DPYSL4: variants seen among roughly 807,000 people sequenced by gnomAD.
DPYSL4 encodes dihydropyrimidinase-related protein 4.
DPYSL4 carries 43 observed loss-of-function variants against 63.4 expected under a neutral mutation model. The observed-to-expected ratio is 0.68, with a 90% CI of 0.53 to 0.88. DPYSL4 has a LOEUF of 0.88. Ranked by LOEUF, DPYSL4 falls within the 40% of genes least tolerant of loss-of-function variation. The pLI is 0.00. For missense variants in DPYSL4, 733 were observed against 819.5 expected (o/e 0.89, Z 1.29); for synonymous variants, 353 against 331.7 (o/e 1.06, Z -0.70).
intron 8 of DPYSL4, among the ~76,000 whole-genome samples, chr10:132,200,001 C>G (rs976482096): frequency 6.6e-6 from 1 of 152,176 alleles, no homozygotes; most frequent in Non-Finnish European, 1.5e-5. Context: ...AGGCCATGGC[C>G]AGGGCACCCC....
rs537859711 is a variant in DPYSL4 at position 132,191,859 on chromosome 10, G to A, written c.129-799G>A. Among the ~76,000 whole-genome samples the A allele has an allele frequency of 5.7e-3, 714 of 125,566 alleles. 11 individuals are homozygous for A. The highest frequency in any genetic ancestry group is 0.021 in the African/African-American group (678 of 32,526). The allele number at this position is 125,566 out of a possible 152,430, so 82.4% of individuals were successfully genotyped here. Reference sequence around the variant, plus strand: ...GCAGTTGAAAGTATGTTCCCAGCTCGTGTGTACACGCTGGTCATGTGGTAT... The same window carrying A: ...GCAGTTGAAAGTATGTTCCCAGCTCATGTGTACACGCTGGTCATGTGGTAT... On this transcript the variant is annotated intron_variant, in intron 2 of 13. Transcript: ENST00000338492.
chr10:132,187,490 T>G (rs1265606881), intron 1 of DPYSL4, among the ~76,000 whole-genome samples: 1 of 151,462 alleles, frequency 6.6e-6, no homozygotes, highest in Non-Finnish European at 1.5e-5. Context: ...CCCACGGCGG[T>G]CGGGTGGCGA....
chr10:132,202,787 C>G lies in DPYSL4; in HGVS notation c.1423C>G (p.Pro475Ala), dbSNP rs2062036730. 1.9e-6 allele frequency: 3 copies of G among 1,609,994 alleles called. No individual in the cohort carries two copies. The highest frequency in any genetic ancestry group is 2.5e-6 in the Non-Finnish European group (3 of 1,178,278). ...CCGCTTCGTCCCTCGGAAAACATTC[C>G]CGGACTTTGTCTACAAGAGGATCAA... is the stretch of plus-strand genomic sequence containing the variant. ...AGRFVPRKTF[P>A]DFVYKRIKAR... Residue 475 changes from proline (P) to alanine (A), a missense_variant, in exon 12 of 14, where the codon CCG becomes GCG. Pro to Ala is a conservative substitution (Grantham distance 27). Coordinates refer to ENST00000338492, the MANE Select transcript of DPYSL4 (RefSeq NM_006426.3).
chr10:132,192,883 G>C (rs369537474), intron 3 of DPYSL4, 41 bp downstream of exon 3: 2 of 1,547,698 alleles, frequency 1.3e-6, no homozygotes, highest in Non-Finnish European at 1.7e-6. Context: ...GGCAGCCAGC[G>C]TCTGCTGCCC....
At chr10:132,194,430 G>A (rs945476083) in intron 3 of DPYSL4, among the ~76,000 whole-genome samples, 1 of 152,238 alleles carries the variant, frequency 6.6e-6, no homozygotes, top group Non-Finnish European at 1.5e-5. Context: ...TTCTAGGAAG[G>A]CACCCAGAGG....
chr10:132,193,501 G>A lies in DPYSL4; in HGVS notation c.313+659G>A, dbSNP rs757988222. Among the ~76,000 whole-genome samples the A allele has an allele frequency of 9.2e-5, 14 of 152,210 alleles. 1 individual carries two copies. Among genetic ancestry groups the A allele is most frequent in the Admixed American group, 3.3e-4 (5 of 15,282 alleles). On this transcript the variant is annotated intron_variant, in intron 3 of 13. Transcript: ENST00000338492. ...AGTGGAGTCCGCCTGCCCACCACGA[G>A]CACGTGGTGAGCTCAGGAGGCAGGA...
chr10:132,191,050 C>G (rs1272085889), intron 2 of DPYSL4, among the ~76,000 whole-genome samples: 2 of 147,700 alleles, frequency 1.4e-5, no homozygotes, highest in Non-Finnish European at 3.0e-5. Context: ...TGTGTACACG[C>G]TGGTCACATG....
chr10:132,205,541 C>G lies in DPYSL4; in HGVS notation c.*611C>G, dbSNP rs2062086124. On this transcript the variant is annotated 3_prime_UTR_variant, in exon 14 of 14. Transcript: ENST00000338492. The stretch of plus-strand genomic sequence containing the variant: ...CTTTTACGCACCCCAAGGCCCACAC[C>G]TAAGCTTCCATGTAGCCCTCATCCA... The G allele has an allele frequency of 6.6e-6, 1 of 152,610 alleles. No homozygotes were observed. The highest frequency in any genetic ancestry group is 2.1e-4 in the South Asian group (1 of 4,842). 9.5% of individuals were successfully genotyped at this position (152,610 alleles called of 1,614,324 possible). A position where few individuals can be genotyped will look rare whatever the true frequency, so the allele number is the denominator to read the frequency against.
At chr10:132,197,169 G>A in intron 6 of DPYSL4, 68 bp downstream of exon 6, 2 of 1,366,040 alleles carry the variant, frequency 1.5e-6, no homozygotes, top group African/African-American at 1.5e-5. Flanking sequence ...TGCCTGTGGG[G>A]TGGGGCAGGG....
At chr10:132,201,696 A>T (rs547942417) in intron 10 of DPYSL4, among the ~76,000 whole-genome samples, 9 of 152,154 alleles carry the variant, frequency 5.9e-5, no homozygotes, top group Non-Finnish European at 1.2e-4. Flanking sequence ...GTGGCACTCT[A>T]GTGCCCGTCT....
intron 4 of DPYSL4, among the ~76,000 whole-genome samples, chr10:132,195,900 G>A (rs1184418103): frequency 1.3e-5 from 2 of 152,230 alleles, no homozygotes; most frequent in Non-Finnish European, 2.9e-5. Flanking sequence ...ACCCTGTGTT[G>A]GCAGTGCTGG....
Position 132,205,063 on chromosome 10 carries a change from C to T in DPYSL4, c.*133C>T, listed in dbSNP as rs929245991. 9.4e-6 allele frequency: 6 copies of T among 637,634 alleles called. No homozygotes were observed. In the African/African-American group the frequency reaches 1.1e-4, roughly 12 times the overall value. The allele number at this position is 637,634 out of a possible 1,614,324, so 39.5% of individuals were successfully genotyped here. On this transcript the variant is annotated 3_prime_UTR_variant, in exon 14 of 14. Transcript: ENST00000338492. ...GGTGCTTGGCGGTCTTGCCTTCCCC[C>T]TCCCCACAGGCTCTCCTTGTGGGGT...
intron 8 of DPYSL4, 142 bp from the exon 9 acceptor site, chr10:132,200,214 G>A (rs1395505061): frequency 1.0e-5 from 11 of 1,093,234 alleles, no homozygotes; most frequent in African/African-American, 3.1e-5. Flanking sequence ...TTCCTGCCCA[G>A]GGCCAGGGAC....
intron 2 of DPYSL4, 41 bp from the exon 3 acceptor site, chr10:132,192,617 C>G: frequency 6.4e-7 from 1 of 1,556,692 alleles, no homozygotes; most frequent in South Asian, 1.2e-5. Flanking sequence ...TGGGCTCTGA[C>G]CTGGGCTCCC....
At chr10:132,193,816 C>T (rs1371152103) in intron 3 of DPYSL4, among the ~76,000 whole-genome samples, 4 of 152,222 alleles carry the variant, frequency 2.6e-5, no homozygotes, top group Admixed American at 1.3e-4. Context: ...CCGGGGAGGG[C>T]AGCTCTGAGG....
intron 2 of DPYSL4, 39 bp downstream of exon 2, chr10:132,190,874 G>GT: frequency 6.3e-7 from 1 of 1,597,222 alleles, no homozygotes; most frequent in Non-Finnish European, 8.6e-7. Context: ...TTCCCAGCTC[G>GT]TGTGTACACG....
chr10:132,189,819 A>G (rs2137498791), intron 1 of DPYSL4, among the ~76,000 whole-genome samples: 1 of 152,300 alleles, frequency 6.6e-6, no homozygotes. Context: ...TCTTTAAAAC[A>G]TCAAACCAGG....
chr10:132,202,133 G>T lies in DPYSL4; in HGVS notation c.1281+17G>T, dbSNP rs200583565. The T allele has an allele frequency of 8.7e-6, 14 of 1,607,176 alleles. No homozygotes were observed. In the African/African-American group the frequency reaches 1.7e-4, roughly 20 times the overall value. On this transcript the variant is annotated intron_variant, in intron 11 of 13. Transcript: ENST00000338492. ...CACAATCTGGTAAGAGAAGGCGGCTGTAAGTCAGGGTTGGCCTTTGTGGGG... is the reference window on the plus strand; with the variant it reads ...CACAATCTGGTAAGAGAAGGCGGCTTTAAGTCAGGGTTGGCCTTTGTGGGG...
chr10:132,201,201 C>T (rs996158407), intron 10 of DPYSL4, among the ~76,000 whole-genome samples: 1 of 152,130 alleles, frequency 6.6e-6, no homozygotes, highest in South Asian at 2.1e-4. Context: ...CAGCTGGTAG[C>T]CCCCCACCCC....
Sources: gnomAD v4.1 joint callset for allele counts (sites outside exome capture counted in the v4.1 genomes callset) on GRCh38, gnomAD v4.1.1 for gene constraint, MANE v1.5 for transcripts, NCBI Gene and HGNC (gene_info 2026-07-23, HGNC 2026-07-21) for gene names.